PHLPP1: variants seen among roughly 807,000 people sequenced by gnomAD.
PHLPP1 encodes PH domain leucine-rich repeat-containing protein phosphatase 1.
A neutral mutation model predicts 117.2 loss-of-function variants in PHLPP1; 42 were observed. The observed-to-expected ratio is 0.36, with a 90% CI of 0.28 to 0.46. The LOEUF is 0.46. Ranked by LOEUF, PHLPP1 falls within the 20% of genes least tolerant of loss-of-function variation. The pLI is 1.00. For missense variants in PHLPP1, 2,084 were observed against 2,241.9 expected (o/e 0.93, Z 1.42); for synonymous variants, 1,042 against 970.7 (o/e 1.07, Z -1.37).
chr18:62,860,174 CATT>C (rs1258789073), intron 3 of PHLPP1, among the ~76,000 whole-genome samples: 1 of 152,150 alleles, frequency 6.6e-6, no homozygotes, highest in Admixed American at 6.5e-5. Context: ...TGTGCTATGA[CATT>C]ATGATAGCTG....
At chr18:62,791,110 A>G (rs1913443807) in intron 1 of PHLPP1, among the ~76,000 whole-genome samples, 1 of 152,096 alleles carries the variant, frequency 6.6e-6, no homozygotes, top group Non-Finnish European at 1.5e-5. Flanking sequence ...AAGACAAGCA[A>G]AGACAGGCAT....
At chr18:62,931,584 T>C (rs1909808115) in intron 10 of PHLPP1, among the ~76,000 whole-genome samples, 1 of 141,972 alleles carries the variant, frequency 7.0e-6, no homozygotes, top group Admixed American at 7.3e-5. Flanking sequence ...ATTGATAGAC[T>C]ACTCGCTAGA....
chr18:62,839,136 G>C (rs930371157), intron 3 of PHLPP1: 1 of 477,044 alleles, frequency 2.1e-6, no homozygotes, highest in Non-Finnish European at 3.7e-6. Flanking sequence ...AAAATAAATT[G>C]GTCTGTAAAC....
intron 1 of PHLPP1, among the ~76,000 whole-genome samples, chr18:62,796,672 A>G (rs995388119): frequency 6.6e-6 from 1 of 152,238 alleles, no homozygotes; most frequent in African/African-American, 2.4e-5. Context: ...TTCTTGGTGC[A>G]TAGTCAGGTA....
In PHLPP1 at chr18:62,766,075, AAAT is replaced by A. The variant is rs1384330049; in HGVS notation, c.1576+48818_1576+48820del. 6.3e-4 allele frequency among the ~76,000 whole-genome samples: 31 copies of A among 49,592 alleles called. 1 individual carries two copies. Among genetic ancestry groups the A allele is most frequent in the Admixed American group, 1.8e-3 (7 of 3,878 alleles). The allele number at this position is 49,592 out of a possible 152,430, so 32.5% of individuals were successfully genotyped here. On this transcript the variant is annotated intron_variant, in intron 1 of 16. Coordinates refer to ENST00000262719, the MANE Select transcript of PHLPP1 (RefSeq NM_194449.4). ...GACTCCATCTCAAAAAAAAAAAAAA[AAAT>A]ATATATATATATATATATATATATA... is the stretch of plus-strand genomic sequence containing the variant.
intron 1 of PHLPP1, among the ~76,000 whole-genome samples, chr18:62,718,719 A>C (rs1910833222): frequency 6.6e-6 from 1 of 152,316 alleles, no homozygotes; most frequent in African/African-American, 2.4e-5. Flanking sequence ...GTAATTTGTA[A>C]AATATTGTTA....
chr18:62,878,476 C>T (rs1916099851), intron 4 of PHLPP1, among the ~76,000 whole-genome samples: 1 of 152,168 alleles, frequency 6.6e-6, no homozygotes, highest in African/African-American at 2.4e-5. Flanking sequence ...ATGAAAATGT[C>T]TGTTTTTATT....
Position 62,745,387 on chromosome 18 carries a change from G to C in PHLPP1, c.1576+28128G>C, listed in dbSNP as rs1911646576. The stretch of plus-strand genomic sequence containing the variant: ...TGGTTATTACATGAAAATGTAGTTT[G>C]AATGACTCCAAACAATCAATAAACT... On this transcript the variant is annotated intron_variant, in intron 1 of 16. Coordinates refer to ENST00000262719, the MANE Select transcript of PHLPP1 (RefSeq NM_194449.4). Among the ~76,000 whole-genome samples the C allele has an allele frequency of 2.0e-5, 3 of 152,174 alleles. No individual in the cohort carries two copies. The South Asian group carries it at 6.2e-4, about 32-fold the overall frequency.
chr18:62,881,420 T>C (rs1245586731), intron 4 of PHLPP1, among the ~76,000 whole-genome samples: 1 of 152,260 alleles, frequency 6.6e-6, no homozygotes, highest in Non-Finnish European at 1.5e-5. Context: ...AAATTTATTC[T>C]GATTTTCAAC....
chr18:62,831,436 C>T (rs1037915777), intron 2 of PHLPP1, among the ~76,000 whole-genome samples: 48 of 151,690 alleles, frequency 3.2e-4, no homozygotes, highest in Middle Eastern at 3.4e-3. Context: ...CTCCCGGGTT[C>T]AAGTGATTCT....
rs1915523065 is a variant in PHLPP1 at position 62,857,230 on chromosome 18, T to C, written c.1900-3205T>C. Among the ~76,000 whole-genome samples the C allele has an allele frequency of 2.0e-5, 3 of 152,186 alleles. 1 individual carries two copies. Among genetic ancestry groups the C allele is most frequent in the African/African-American group, 7.2e-5 (3 of 41,438 alleles). On this transcript the variant is annotated intron_variant, in intron 3 of 16. Coordinates refer to ENST00000262719, the MANE Select transcript of PHLPP1 (RefSeq NM_194449.4). ...GAAATTTATGATCTCACGGTATATA[T>C]TGCACATATAACTATTCATCCATCT...
chr18:62,913,774 G>A (rs1181527727), intron 8 of PHLPP1, among the ~76,000 whole-genome samples: 14 of 112,890 alleles, frequency 1.2e-4, no homozygotes, highest in Non-Finnish European at 1.7e-4. Context: ...ACAGAGTTTC[G>A]CTCTTGTTGC....
At chr18:62,933,463 A>C (rs1909879170) in intron 10 of PHLPP1, among the ~76,000 whole-genome samples, 1 of 152,190 alleles carries the variant, frequency 6.6e-6, no homozygotes, top group South Asian at 2.1e-4. Context: ...AAAGCCATAC[A>C]CCTACAACCA....
intron 1 of PHLPP1, among the ~76,000 whole-genome samples, chr18:62,751,948 A>G (rs1599025991): frequency 6.6e-6 from 1 of 152,246 alleles, no homozygotes; most frequent in East Asian, 1.9e-4. Flanking sequence ...AAGTAGTACT[A>G]AAATACTCAG....
At chr18:62,932,091 A>G (rs188015723) in intron 10 of PHLPP1, among the ~76,000 whole-genome samples, 1 of 152,294 alleles carries the variant, frequency 6.6e-6, no homozygotes, top group Non-Finnish European at 1.5e-5. Context: ...AATCCTGAAC[A>G]GGCCAATAAT....
intron 12 of PHLPP1, among the ~76,000 whole-genome samples, chr18:62,956,852 T>C (rs910751979): frequency 2.0e-5 from 3 of 152,330 alleles, no homozygotes; most frequent in South Asian, 2.1e-4. Flanking sequence ...TTGAAGCCTA[T>C]TGAAAATATA....
At chr18:62,970,688 C>T (rs1911025843) in intron 14 of PHLPP1, among the ~76,000 whole-genome samples, 1 of 152,084 alleles carries the variant, frequency 6.6e-6, no homozygotes, top group Admixed American at 6.5e-5. Flanking sequence ...CCACTTGAAC[C>T]CGGGAGGCAG....
chr18:62,784,580 A>G (rs1306785559), intron 1 of PHLPP1, among the ~76,000 whole-genome samples: 6 of 152,212 alleles, frequency 3.9e-5, no homozygotes, highest in African/African-American at 1.2e-4. Context: ...CTAAAGCCAC[A>G]CATTTGTCTG....
At chr18:62,743,964 G>A (rs186543111) in intron 1 of PHLPP1, among the ~76,000 whole-genome samples, 5 of 152,264 alleles carry the variant, frequency 3.3e-5, no homozygotes, top group African/African-American at 1.2e-4. Context: ...ACTTTGATGT[G>A]GAGAGGTAAG....
Sources: gnomAD v4.1 joint callset for allele counts (sites outside exome capture counted in the v4.1 genomes callset) on GRCh38, gnomAD v4.1.1 for gene constraint, MANE v1.5 for transcripts, NCBI Gene and HGNC (gene_info 2026-07-23, HGNC 2026-07-21) for gene names.